The following PDE4B variants were observed in gnomAD, a reference collection of about 807,000 sequenced individuals.
PDE4B encodes the protein 3',5'-cyclic-AMP phosphodiesterase 4B.
In PDE4B, 20 loss-of-function variants were observed where a neutral mutation model predicts 82.2. That is an observed-to-expected ratio of 0.24 (90% CI 0.17 to 0.35). The LOEUF (loss-of-function observed/expected upper bound fraction) is 0.35, where lower values mean the gene tolerates loss of function less well. Ranked by LOEUF, PDE4B falls within the 10% of genes least tolerant of loss-of-function variation. PDE4B has a pLI of 1.00. For missense variants in PDE4B, 655 were observed against 907.2 expected (o/e 0.72, Z 3.57); for synonymous variants, 320 against 318.9 (o/e 1.00, Z -0.04).
chr1:66,100,766 GTAAGC>G (rs1367406732), intron 3 of PDE4B, among the ~76,000 whole-genome samples: 48 of 152,258 alleles, frequency 3.2e-4, no homozygotes, highest in African/African-American at 1.1e-3. Flanking sequence ...ATGCTAAACT[GTAAGC>G]TTTTGAGTTT....
At chr1:66,241,945 G>C (rs1444743039) in intron 3 of PDE4B, among the ~76,000 whole-genome samples, 1 of 152,100 alleles carries the variant, frequency 6.6e-6, no homozygotes, top group Admixed American at 6.6e-5. Context: ...TAAGATCTTT[G>C]CATTCATTTA....
At chr1:66,071,730 A>AT (rs1376572541) in intron 3 of PDE4B, among the ~76,000 whole-genome samples, 5 of 152,066 alleles carry the variant, frequency 3.3e-5, no homozygotes, top group South Asian at 2.1e-4. Context: ...GTTATGACAG[A>AT]TTTTTTGTAT....
intron 3 of PDE4B, among the ~76,000 whole-genome samples, chr1:65,969,464 G>A (rs1650018624): frequency 6.6e-6 from 1 of 152,156 alleles, no homozygotes; most frequent in Non-Finnish European, 1.5e-5. Context: ...ACCAAACACG[G>A]TATGGAAGAG....
At chr1:66,328,331 C>T (rs574262018) in intron 7 of PDE4B, among the ~76,000 whole-genome samples, 1 of 152,310 alleles carries the variant, frequency 6.6e-6, no homozygotes, top group South Asian at 2.1e-4. Context: ...AGTTCAACTG[C>T]ATGACCATAC....
chr1:66,146,933 C>T (rs1646286184), intron 3 of PDE4B, among the ~76,000 whole-genome samples: 1 of 152,166 alleles, frequency 6.6e-6, no homozygotes, highest in Non-Finnish European at 1.5e-5. Context: ...AGGACAGCTT[C>T]TCTAATGAGC....
rs201727510 is a variant in PDE4B at position 66,372,450 on chromosome 1, A to G, written c.1983A>G (p.Ser661=). 7 of 1,614,142 alleles carry G rather than the reference A, an allele frequency of 4.3e-6. No homozygotes were observed. In the East Asian group the frequency reaches 1.6e-4, roughly 36 times the overall value. Residue 661 remains serine (S), a synonymous_variant, in exon 17 of 17, where the codon TCA becomes TCG. Coordinates refer to ENST00000341517, the MANE Select transcript of PDE4B (RefSeq NM_002600.4). ...AGAGCATGATACCTCAAAGTCCCTC[A>G]CCACCACTGGACGAGCAGAACAGGG... is the stretch of plus-strand genomic sequence containing the variant. ...WYQSMIPQSP[S]PPLDEQNRDC... is the part of the protein sequence containing the mutation.
intron 3 of PDE4B, among the ~76,000 whole-genome samples, chr1:66,101,108 T>C (rs574658628): frequency 6.6e-6 from 1 of 152,304 alleles, no homozygotes; most frequent in South Asian, 2.1e-4. Context: ...TGCGATAGTT[T>C]GCTGAGAATG....
intron 3 of PDE4B, among the ~76,000 whole-genome samples, chr1:66,222,848 A>G (rs1055299990): frequency 3.3e-5 from 5 of 152,332 alleles, no homozygotes; most frequent in Non-Finnish European, 7.3e-5. Context: ...GCAGTCACTT[A>G]TTAGTAAAAG....
chr1:66,266,940 A>G (rs1655091845), intron 7 of PDE4B: 1 of 227,954 alleles, frequency 4.4e-6, no homozygotes, highest in Non-Finnish European at 9.1e-6. Context: ...GATGCCTCAC[A>G]TGCTTTTCTA....
At chr1:66,232,835 G>T (rs936191623) in intron 3 of PDE4B, among the ~76,000 whole-genome samples, 1 of 152,188 alleles carries the variant, frequency 6.6e-6, no homozygotes, top group Non-Finnish European at 1.5e-5. Context: ...CCTGATTCTA[G>T]TGTGTTGAGA....
chr1:65,867,218 T>C (rs1646522335), intron 1 of PDE4B, among the ~76,000 whole-genome samples: 1 of 152,162 alleles, frequency 6.6e-6, no homozygotes, highest in African/African-American at 2.4e-5. Flanking sequence ...CAAAGGGACA[T>C]TTAAATGAGA....
intron 1 of PDE4B, among the ~76,000 whole-genome samples, chr1:65,836,213 A>G (rs1377326789): frequency 6.6e-6 from 1 of 152,146 alleles, no homozygotes; most frequent in Non-Finnish European, 1.5e-5. Context: ...TGGTGCTGGG[A>G]TTACAGGCGC....
chr1:66,194,428 CAG>C (rs1161703462), intron 3 of PDE4B, among the ~76,000 whole-genome samples: 2 of 152,016 alleles, frequency 1.3e-5, no homozygotes, highest in Non-Finnish European at 2.9e-5. Flanking sequence ...ACAATAGAAA[CAG>C]AAAACATTGT....
At chr1:66,295,139 G>A (rs986089238) in intron 7 of PDE4B, among the ~76,000 whole-genome samples, 3 of 152,176 alleles carry the variant, frequency 2.0e-5, no homozygotes, top group African/African-American at 7.2e-5. Context: ...AAGTGTTTAA[G>A]AACCTGGGAC....
intron 4 of PDE4B, among the ~76,000 whole-genome samples, chr1:66,252,963 T>C (rs1337539564): frequency 1.3e-5 from 2 of 152,032 alleles, no homozygotes; most frequent in African/African-American, 4.8e-5. Flanking sequence ...ATAAATAAAA[T>C]AAGTAAAATA....
intron 3 of PDE4B, 61 bp downstream of exon 3, chr1:65,918,896 C>T (rs907028509): frequency 9.8e-7 from 1 of 1,022,694 alleles, no homozygotes; most frequent in Admixed American, 1.7e-5. Context: ...TCTCCAAATA[C>T]AATTTCATAG....
intron 1 of PDE4B, among the ~76,000 whole-genome samples, chr1:65,853,135 C>T (rs1160546101): frequency 1.3e-5 from 2 of 152,102 alleles, no homozygotes; most frequent in East Asian, 1.9e-4. Flanking sequence ...TTGTGACATG[C>T]TTCTTTTTGT....
chr1:66,300,601 G>A (rs948097357), intron 7 of PDE4B, among the ~76,000 whole-genome samples: 3 of 152,144 alleles, frequency 2.0e-5, no homozygotes, highest in African/African-American at 7.2e-5. Flanking sequence ...CCATTCCCCA[G>A]TCACTCACTT....
chr1:66,367,729 C>T lies in PDE4B; in HGVS notation c.1418C>T (p.Ser473Phe). The T allele has an allele frequency of 6.2e-7, 1 of 1,613,372 alleles. No individual in the cohort carries two copies. Among genetic ancestry groups the T allele is most frequent in the Non-Finnish European group, 8.5e-7 (1 of 1,179,584 alleles). ...SELALMYNDE[S>F]VLENHHLAVG... The stretch of plus-strand genomic sequence containing the variant: ...CTTGCTTTGATGTATAATGATGAAT[C>T]TGTGTTGGAAAATCATCACCTTGCT... Residue 473 changes from serine (S) to phenylalanine (F), a missense_variant, in exon 14 of 17, where the codon TCT becomes TTT. Around this residue, in one of 3 missense-constraint regions of PDE4B, gnomAD observed 283 missense variants for 516.4 expected, o/e 0.55. Transcript: ENST00000341517.
Sources: allele counts gnomAD v4.1 joint callset (sites outside exome capture counted in the v4.1 genomes callset), GRCh38; gene constraint gnomAD v4.1.1; regional missense constraint gnomAD v4.1.1; transcripts MANE v1.5; gene names NCBI Gene and HGNC (gene_info 2026-07-23, HGNC 2026-07-21).